DCC: variants seen among roughly 807,000 people sequenced by gnomAD.
DCC encodes netrin receptor DCC.
In DCC, 58 loss-of-function variants were observed where a neutral mutation model predicts 172.5. That is an observed-to-expected ratio of 0.34 (90% CI 0.27 to 0.42). The LOEUF (loss-of-function observed/expected upper bound fraction) is 0.42. DCC is among the 10% of genes least tolerant of loss of function. The pLI is 1.00. For synonymous variants in DCC, 709 were observed against 644.5 expected (o/e 1.10, Z -1.52); for missense variants, 1,740 against 1,791.0 (o/e 0.97, Z 0.51).
intron 2 of DCC, among the ~76,000 whole-genome samples, chr18:52,794,186 G>A (rs887633915): frequency 1.6e-4 from 24 of 151,992 alleles, no homozygotes; most frequent in South Asian, 2.1e-4. Context: ...TCTTGAGAAC[G>A]TCGTTGGTAT....
At chr18:53,456,788 C>A (rs901280801) in intron 23 of DCC, among the ~76,000 whole-genome samples, 1 of 152,198 alleles carries the variant, frequency 6.6e-6, no homozygotes, top group Non-Finnish European at 1.5e-5. Flanking sequence ...TGGTGAGACA[C>A]AGGAACCGTG....
intron 2 of DCC, among the ~76,000 whole-genome samples, chr18:52,762,976 C>T (rs540048648): frequency 1.3e-5 from 2 of 152,292 alleles, no homozygotes; most frequent in East Asian, 3.9e-4. Flanking sequence ...GATATAAACA[C>T]AGTACACAGA....
chr18:52,958,269 C>A (rs1278058232), intron 5 of DCC, among the ~76,000 whole-genome samples: 2 of 151,502 alleles, frequency 1.3e-5, no homozygotes, highest in Non-Finnish European at 2.9e-5. Flanking sequence ...TTTGTGGTAA[C>A]AATCTATCAA....
chr18:53,514,482 AC>A (rs1231501848), intron 27 of DCC, among the ~76,000 whole-genome samples: 2 of 147,846 alleles, frequency 1.4e-5, no homozygotes, highest in Non-Finnish European at 3.0e-5. Flanking sequence ...CACAAAAAAA[AC>A]CCTTCAAAAA....
chr18:53,301,614 C>CT (rs537056026), intron 12 of DCC, among the ~76,000 whole-genome samples: 20 of 151,284 alleles, frequency 1.3e-4, no homozygotes, highest in Admixed American at 5.9e-4. Flanking sequence ...TAAAGACTGC[C>CT]TTTTTTTTTC....
intron 1 of DCC, among the ~76,000 whole-genome samples, chr18:52,567,057 A>C (rs951961892): frequency 6.6e-6 from 1 of 152,150 alleles, no homozygotes; most frequent in African/African-American, 2.4e-5. Flanking sequence ...AGTAATACTT[A>C]AGTACCGATT....
chr18:52,690,853 T>C (rs1232841057), intron 1 of DCC, among the ~76,000 whole-genome samples: 1 of 152,116 alleles, frequency 6.6e-6, no homozygotes, highest in African/African-American at 2.4e-5. Context: ...GTGATGCATT[T>C]GTCACAAAGG....
chr18:53,418,176 A>T (rs1910429609), intron 21 of DCC, among the ~76,000 whole-genome samples: 1 of 152,166 alleles, frequency 6.6e-6, no homozygotes, highest in Admixed American at 6.5e-5. Flanking sequence ...ATAGGTTCTA[A>T]ATTTTACATC....
chr18:52,753,519 C>A (rs2037031834), intron 2 of DCC, among the ~76,000 whole-genome samples: 4 of 152,062 alleles, frequency 2.6e-5, no homozygotes, highest in Admixed American at 2.6e-4. Context: ...TTTGCAGAGT[C>A]CATTTTTTTG....
At chr18:52,360,807 C>G (rs1019774134) in intron 1 of DCC, among the ~76,000 whole-genome samples, 1 of 152,126 alleles carries the variant, frequency 6.6e-6, no homozygotes, top group African/African-American at 2.4e-5. Flanking sequence ...AAATTGGATA[C>G]AAATGTTTAG....
At chr18:53,054,631 G>A (rs2042379145) in intron 5 of DCC, among the ~76,000 whole-genome samples, 1 of 152,172 alleles carries the variant, frequency 6.6e-6, no homozygotes, top group Admixed American at 6.6e-5. Context: ...GATTTAGAAA[G>A]AAGCAACTCT....
intron 1 of DCC, among the ~76,000 whole-genome samples, chr18:52,392,194 C>T (rs560665473): frequency 2.4e-4 from 36 of 152,192 alleles, no homozygotes; most frequent in Non-Finnish European, 3.5e-4. Flanking sequence ...ATAGATGGCT[C>T]ATAGAGTGAA....
chr18:52,684,286 C>A (rs1013779398), intron 1 of DCC, among the ~76,000 whole-genome samples: 1 of 151,982 alleles, frequency 6.6e-6, no homozygotes, highest in East Asian at 1.9e-4. Flanking sequence ...GTGGGGTTAG[C>A]GAGTTTGATG....
intron 28 of DCC, among the ~76,000 whole-genome samples, chr18:53,528,858 C>A (rs1455947334): frequency 6.6e-6 from 1 of 151,920 alleles, no homozygotes; most frequent in Admixed American, 6.6e-5. Context: ...TCAGGTGAGA[C>A]TAGGCACATT....
At chr18:52,765,936 A>G (rs2145156820) in intron 2 of DCC, among the ~76,000 whole-genome samples, 1 of 152,308 alleles carries the variant, frequency 6.6e-6, no homozygotes, top group South Asian at 2.1e-4. Flanking sequence ...ATTACCAAAT[A>G]ATGCTGAACA....
chr18:52,540,910 C>A (rs2032427697), intron 1 of DCC, among the ~76,000 whole-genome samples: 2 of 152,062 alleles, frequency 1.3e-5, no homozygotes, highest in Admixed American at 6.6e-5. Flanking sequence ...CCGGCCTCAA[C>A]TGCCTTTTAT....
chr18:52,390,860 T>G (rs1046183586), intron 1 of DCC, among the ~76,000 whole-genome samples: 1 of 152,150 alleles, frequency 6.6e-6, no homozygotes, highest in Non-Finnish European at 1.5e-5. Context: ...TCCCTCAGCA[T>G]ACTACACTCT....
intron 1 of DCC, among the ~76,000 whole-genome samples, chr18:52,685,960 T>C (rs988767558): frequency 1.3e-5 from 2 of 152,178 alleles, no homozygotes; most frequent in Non-Finnish European, 2.9e-5. Flanking sequence ...CCTCAAGGGC[T>C]AACTGGATGT....
At chr18:52,570,095 C>A (rs575074513) in intron 1 of DCC, among the ~76,000 whole-genome samples, 1 of 152,150 alleles carries the variant, frequency 6.6e-6, no homozygotes, top group African/African-American at 2.4e-5. Flanking sequence ...ACACATTGGA[C>A]ATTATTAATT....
Sources: gnomAD v4.1 joint callset for allele counts (sites outside exome capture counted in the v4.1 genomes callset) on GRCh38, gnomAD v4.1.1 for gene constraint, MANE v1.5 for transcripts, NCBI Gene and HGNC (gene_info 2026-07-23, HGNC 2026-07-21) for gene names.